BRD8: variants seen among roughly 807,000 people sequenced by gnomAD.
The protein encoded by BRD8 is bromodomain containing 8.
Under a neutral mutation model 143.1 loss-of-function variants are expected in BRD8, and 67 were observed. That is an observed-to-expected ratio of 0.47 (90% CI 0.38 to 0.57). The LOEUF is 0.57. BRD8 is among the 20% of genes least tolerant of loss of function. The probability of loss-of-function intolerance (pLI) is 0.00; values close to 1 mark genes in which losing one functional copy is unlikely to be tolerated. For synonymous variants in BRD8, 505 were observed against 517.1 expected, an observed-to-expected ratio of 0.98 and a Z score of 0.32; for missense variants, 1,103 against 1,503.0, an observed-to-expected ratio of 0.73 and a Z score of 4.40.
At chr5:138,163,085 C>T in intron 15 of BRD8, 45 bp downstream of exon 15, 1 of 1,541,534 alleles carries the variant, frequency 6.5e-7, no homozygotes, top group East Asian at 2.2e-5. Context: ...ATCCTCTCCT[C>T]ACCTTCACTG....
intron 12 of BRD8, 36 bp from the exon 13 acceptor site, chr5:138,164,449 G>T (rs776779891): frequency 6.4e-7 from 1 of 1,573,260 alleles, no homozygotes; most frequent in Admixed American, 1.7e-5. Context: ...CCTAAGTACT[G>T]ATAAATCGCT....
In BRD8 at chr5:138,170,978, G is replaced by A; in HGVS notation, c.359+60C>T. 3 of 1,612,310 alleles carry A rather than the reference G, an allele frequency of 1.9e-6. No individual in the cohort carries two copies. The South Asian group carries it at 3.3e-5, about 18-fold the overall frequency. ...TCTGCTATTTTAAAAGTTCTGACCAGTACCAGAAGACAGTCCCTTATGTCT... is the reference window on the plus strand; with the variant it reads ...TCTGCTATTTTAAAAGTTCTGACCAATACCAGAAGACAGTCCCTTATGTCT... On this transcript the variant is annotated intron_variant, in intron 5 of 26. Coordinates refer to ENST00000254900, the MANE Select transcript of BRD8 (RefSeq NM_139199.2).
chr5:138,161,744 T>C (rs1459496781), intron 17 of BRD8, 52 bp downstream of exon 17: 3 of 1,571,156 alleles, frequency 1.9e-6, no homozygotes, highest in Admixed American at 1.8e-5. Context: ...TCACTAAGAC[T>C]GGACAATTTA....
At position 138,152,508 on chromosome 5, in the gene BRD8, G is replaced by T. The variant is rs1434701829; in HGVS notation, c.2830C>A (p.Gln944Lys). 1 of 1,614,186 alleles carries T rather than the reference G, an allele frequency of 6.2e-7. No homozygotes were observed. The highest frequency in any genetic ancestry group is 1.7e-5 in the Admixed American group (1 of 60,026). ...TCAGAGAGAAAGTGGAGGAGGTTCT[G>T]GTGGCTGGCTTTCCTTGCCGCTTCC... is the stretch of plus-strand genomic sequence containing the variant. Reference protein sequence around the residue: ...SQEAARKASHQNLLHFLSEVA... With the variant: ...SQEAARKASHKNLLHFLSEVA... Residue 944 changes from glutamine to lysine, a missense_variant, in exon 21 of 27, where the codon CAG becomes AAG. Coordinates refer to ENST00000254900, the MANE Select transcript of BRD8 (RefSeq NM_139199.2).
intron 25 of BRD8, among the ~76,000 whole-genome samples, chr5:138,142,711 C>G (rs920665282): frequency 6.8e-6 from 1 of 146,208 alleles, no homozygotes; most frequent in Non-Finnish European, 1.5e-5. Context: ...TGCAGTGAGC[C>G]GAGATCTCAT....
chr5:138,163,577 A>G (rs571551150), intron 14 of BRD8: 2 of 1,452,988 alleles, frequency 1.4e-6, no homozygotes, highest in African/African-American at 1.4e-5. Context: ...GAAAAAAAAA[A>G]GCTACTTACT....
intron 10 of BRD8, 51 bp from the exon 11 acceptor site, chr5:138,166,159 GACC>G: frequency 7.5e-7 from 1 of 1,339,492 alleles, no homozygotes; most frequent in African/African-American, 1.4e-5. Flanking sequence ...GGTACAAAGC[GACC>G]ACCTTGAGAT....
rs780573758 is a variant in BRD8, at chr5:138,150,770, T to C, written c.3095A>G (p.Gln1032Arg). Residue 1032 changes from glutamine (Q) to arginine (R), a missense_variant, in exon 22 of 27, where the codon CAG (glutamine) becomes CGG (arginine). Gln to Arg is a conservative substitution (Grantham distance 43). This residue lies in a region of BRD8 where 369 missense variants were observed against 445.5 expected (regional missense o/e 0.83). Transcript: ENST00000254900. Reference protein sequence around the residue: ...ASAPSVICTVQGLLTESEEGE... With the variant: ...ASAPSVICTVRGLLTESEEGE... ...CTCTTCACTCTCTGTGAGTAGTCCC[T>C]GAACTGTACAAATAACTGAGGGAGC... 6.2e-7 allele frequency: 1 copy of C among 1,613,862 alleles called. No individual in the cohort carries two copies. The highest frequency in any genetic ancestry group is 2.2e-5 in the East Asian group (1 of 44,892).
intron 2 of BRD8, chr5:138,172,599 G>A: frequency 3.1e-6 from 1 of 321,376 alleles, no homozygotes; most frequent in South Asian, 2.3e-5. Flanking sequence ...CAGCACTCTG[G>A]GAGGCAGAGG....
chr5:138,160,301 G>C (rs1052517831), intron 18 of BRD8, 128 bp from the exon 19 acceptor site: 1 of 662,716 alleles, frequency 1.5e-6, no homozygotes, highest in Non-Finnish European at 2.6e-6. Context: ...TTGACTGATT[G>C]GAAGTTTAGC....
chr5:138,175,520 C>G (rs941220542), intron 2 of BRD8, among the ~76,000 whole-genome samples: 1 of 149,562 alleles, frequency 6.7e-6, no homozygotes, highest in Non-Finnish European at 1.5e-5. Context: ...GAGTTCAAGA[C>G]CAGCCTGGGC....
chr5:138,151,006 T>G lies in BRD8; in HGVS notation c.2859A>C (p.Val953=). 1 of 1,609,626 alleles carries G rather than the reference T, an allele frequency of 6.2e-7. No homozygotes were observed. The highest frequency in any genetic ancestry group is 8.5e-7 in the Non-Finnish European group (1 of 1,179,368). Residue 953 remains valine, a splice_region_variant and synonymous_variant, in exon 22 of 27, where the codon GTA becomes GTC. Transcript: ENST00000254900. ...HQNLLHFLSE[V]AYLMEPLCIS... ...TGCACAAGGGCTCCATTAAATAAGC[T>G]ACCTGCAATCAAAGTTTATTATTAG... is the stretch of plus-strand genomic sequence containing the variant.
At chr5:138,172,701 A>G in intron 2 of BRD8, 1 of 368,388 alleles carries the variant, frequency 2.7e-6, no homozygotes, top group Admixed American at 3.8e-5. Flanking sequence ...AAAAATCGAC[A>G]AGGTATGGTG....
At chr5:138,161,092 G>A in intron 17 of BRD8, 24 bp from the exon 18 acceptor site, 2 of 1,584,894 alleles carry the variant, frequency 1.3e-6, no homozygotes, top group Admixed American at 3.5e-5. Context: ...ACAGGGGTAA[G>A]TAGCAGTGGG....
chr5:138,146,002 C>T (rs998147366), intron 23 of BRD8, 124 bp from the exon 24 acceptor site: 1 of 652,984 alleles, frequency 1.5e-6, no homozygotes, highest in Non-Finnish European at 2.6e-6. Context: ...TTTTTATCTC[C>T]CCTTATCTGG....
At chr5:138,154,468 G>C (rs987092994) in intron 20 of BRD8, among the ~76,000 whole-genome samples, 2 of 152,162 alleles carry the variant, frequency 1.3e-5, no homozygotes, top group African/African-American at 4.8e-5. Flanking sequence ...TTTAGAGCTT[G>C]TGTTTGTATC....
chr5:138,177,699 GA>G, intron 1 of BRD8, 32 bp from the exon 2 acceptor site: 1 of 1,309,940 alleles, frequency 7.6e-7, no homozygotes. Context: ...AAAAGCCTTG[GA>G]AACAACCACT....
At chr5:138,157,190 G>A (rs762330652) in intron 20 of BRD8, 7 of 1,612,676 alleles carry the variant, frequency 4.3e-6, no homozygotes, top group Middle Eastern at 1.6e-4. Context: ...TCGGCTCAAA[G>A]AGGGTAACTC....
chr5:138,174,860 C>T (rs1344516196), intron 2 of BRD8, among the ~76,000 whole-genome samples: 1 of 151,780 alleles, frequency 6.6e-6, no homozygotes, highest in Non-Finnish European at 1.5e-5. Flanking sequence ...GCCTAGACTT[C>T]CTGTATGTGT....
Sources: allele counts gnomAD v4.1 joint callset (sites outside exome capture counted in the v4.1 genomes callset), GRCh38; gene constraint gnomAD v4.1.1; regional missense constraint gnomAD v4.1.1; transcripts MANE v1.5; gene names NCBI Gene and HGNC (gene_info 2026-07-23, HGNC 2026-07-21).